PPP2R5C: variants seen among roughly 807,000 people sequenced by gnomAD.
PPP2R5C encodes the protein protein phosphatase 2 regulatory subunit B'gamma, also known as serine/threonine-protein phosphatase 2A 56 kDa regulatory subunit gamma isoform.
A neutral mutation model predicts 68.9 loss-of-function variants in PPP2R5C; 7 were observed. The ratio of observed to expected loss-of-function variants is 0.10; its 90% CI spans 0.06 to 0.19. The LOEUF (loss-of-function observed/expected upper bound fraction) is 0.19. Ranked by LOEUF, PPP2R5C falls within the 10% of genes least tolerant of loss-of-function variation. PPP2R5C has a pLI of 1.00. For synonymous variants in PPP2R5C, 210 were observed against 222.2 expected, an observed-to-expected ratio of 0.95 and a Z score of 0.49; for missense variants, 348 against 641.3, an observed-to-expected ratio of 0.54 and a Z score of 4.94.
At chr14:101,789,244 G>A (rs910920507) in intron 3 of PPP2R5C, among the ~76,000 whole-genome samples, 1 of 152,224 alleles carries the variant, frequency 6.6e-6, no homozygotes, top group African/African-American at 2.4e-5. Context: ...CTGGAACAGA[G>A]GTGATAGCAG....
chr14:101,889,710 T>G (rs2044737779), intron 5 of PPP2R5C: 2 of 302,594 alleles, frequency 6.6e-6, no homozygotes, highest in Non-Finnish European at 1.3e-5. Flanking sequence ...AGGATGCGTG[T>G]GGGTGTCAGT....
In PPP2R5C at chr14:101,913,804, C is replaced by T. The variant is rs549826369; in HGVS notation, c.1326+1331C>T. Among the ~76,000 whole-genome samples, 1 of 152,222 alleles carries T rather than the reference C, an allele frequency of 6.6e-6. No individual in the cohort carries two copies. The highest frequency in any genetic ancestry group is 2.4e-5 in the African/African-American group (1 of 41,518). ...TCAGGCAAAGTGGGTGCTGATAGCC[C>T]TCAGGATTGTCAAGGACCCCAGTAC... On this transcript the variant is annotated intron_variant, in intron 12 of 13. Coordinates refer to ENST00000334743, the Ensembl canonical transcript of PPP2R5C. The surrounding 1 kb of genome is among the most constrained non-coding windows in gnomAD (Gnocchi z 4.1).
At chr14:101,897,492 C>T (rs1254233000) in intron 8 of PPP2R5C, among the ~76,000 whole-genome samples, 1 of 151,826 alleles carries the variant, frequency 6.6e-6, no homozygotes, top group African/African-American at 2.4e-5. Context: ...AAGCCAGGCC[C>T]GTTCCAAAGC....
rs1286700393 is a variant in PPP2R5C, at chr14:101,781,543, A to ACGCAC, written c.94-4473_94-4469dup. Reference sequence around the variant, plus strand: ...CAGCCTGCGCCTTCCTGGGCGCCTGACGCACCCCTCTGCCCCAACCACGTT... The same window carrying ACGCAC: ...CAGCCTGCGCCTTCCTGGGCGCCTGACGCACCGCACCCCTCTGCCCCAACCACGTT... On this transcript the variant is annotated intron_variant, in intron 2 of 14. Coordinates refer to the PPP2R5C transcript ENST00000328724. The surrounding 1 kb of genome is among the most constrained non-coding windows in gnomAD (Gnocchi z 6.4). Among the ~76,000 whole-genome samples the ACGCAC allele has an allele frequency of 1.4e-5, 2 of 145,840 alleles. No homozygotes were observed. Among genetic ancestry groups the ACGCAC allele is most frequent in the Non-Finnish European group, 3.0e-5 (2 of 66,790 alleles).
upstream of PPP2R5C, chr14:101,809,810 T>C (rs1352208172): frequency 1.4e-6 from 2 of 1,390,336 alleles, no homozygotes; most frequent in Non-Finnish European, 1.9e-6. Flanking sequence ...GCGAGCTTCA[T>C]GCCTGCTGAC....
chr14:101,855,475 G>A (rs2042365560), intron 1 of PPP2R5C, among the ~76,000 whole-genome samples: 1 of 152,180 alleles, frequency 6.6e-6, no homozygotes, highest in African/African-American at 2.4e-5. Context: ...CTGTAAGGTG[G>A]AATCTGAAAC....
chr14:101,873,063 G>A (rs1191360389), intron 2 of PPP2R5C, among the ~76,000 whole-genome samples: 1 of 151,634 alleles, frequency 6.6e-6, no homozygotes, highest in South Asian at 2.1e-4. Flanking sequence ...AATTAAGTGA[G>A]CAAATTTACT....
chr14:101,870,040 C>CTTT (rs141433870), intron 2 of PPP2R5C, among the ~76,000 whole-genome samples: 2 of 53,118 alleles, frequency 3.8e-5, no homozygotes, highest in African/African-American at 7.2e-5. Context: ...TTCAATTGGG[C>CTTT]TTTTTTTTTT....
Position 101,835,389 on chromosome 14 carries a change from A to G in PPP2R5C, c.95-21297A>G, listed in dbSNP as rs759738858. Among the ~76,000 whole-genome samples the G allele has an allele frequency of 2.6e-5, 4 of 152,198 alleles. No homozygotes were observed. Among genetic ancestry groups the G allele is most frequent in the African/African-American group, 4.8e-5 (2 of 41,448 alleles). On this transcript the variant is annotated intron_variant, in intron 1 of 13. Coordinates refer to ENST00000334743, the Ensembl canonical transcript of PPP2R5C. The surrounding 1 kb of genome is among the most constrained non-coding windows in gnomAD (Gnocchi z 5.0). ...CAGTTTACAGTCAGCTGAGTGCTCA[A>G]GAGAACTCAGTAGAGGGGAATGTTG...
chr14:101,908,162 G>A (rs1324620620), intron 10 of PPP2R5C, among the ~76,000 whole-genome samples: 1 of 152,172 alleles, frequency 6.6e-6, no homozygotes, highest in South Asian at 2.1e-4. Context: ...TGGTTGTGAG[G>A]ATTAAGATAA....
intron 1 of PPP2R5C, among the ~76,000 whole-genome samples, chr14:101,846,967 T>A (rs1166337030): frequency 6.6e-6 from 1 of 152,252 alleles, no homozygotes; most frequent in African/African-American, 2.4e-5. Flanking sequence ...GAGAAATGCC[T>A]ACTAAGAGCA....
chr14:101,822,028 T>G (rs1035497607), intron 1 of PPP2R5C, among the ~76,000 whole-genome samples: 1 of 151,912 alleles, frequency 6.6e-6, no homozygotes, highest in South Asian at 2.1e-4. Context: ...TACTAGATGT[T>G]GAAAACGTTG....
intron 10 of PPP2R5C, among the ~76,000 whole-genome samples, chr14:101,908,017 G>A (rs1418559390): frequency 6.6e-6 from 1 of 152,208 alleles, no homozygotes; most frequent in African/African-American, 2.4e-5. Context: ...GATGACTTTG[G>A]TTCACATTCC....
intron 6 of PPP2R5C, among the ~76,000 whole-genome samples, chr14:101,890,505 G>A (rs1230479567): frequency 1.3e-5 from 2 of 152,160 alleles, no homozygotes; most frequent in African/African-American, 2.4e-5. Context: ...TTATGGTTCT[G>A]TACGTAGATT....
In PPP2R5C at chr14:101,764,028, TGG is replaced by T. The variant is rs1555377030; in HGVS notation, c.93+1060_93+1061del. Among the ~76,000 whole-genome samples the T allele has an allele frequency of 3.0e-3, 408 of 137,608 alleles. 1 individual carries two copies. The highest frequency in any genetic ancestry group is 0.01 in the African/African-American group (385 of 36,748). 90.3% of individuals were successfully genotyped at this position (137,608 alleles called of 152,430 possible). On this transcript the variant is annotated intron_variant, in intron 2 of 14. Transcript: ENST00000328724. ...TTGTGTGTGTGTGTGTGTGTGTGTG[TGG>T]GCGCGCGCACTTGCGCGTCGGCCAC...
At chr14:101,922,580 G>A (rs1337066317) in intron 13 of PPP2R5C, among the ~76,000 whole-genome samples, 1 of 151,864 alleles carries the variant, frequency 6.6e-6, no homozygotes, top group Non-Finnish European at 1.5e-5. Context: ...TTGGGAGGCT[G>A]AGGCAGGAGA....
intron 13 of PPP2R5C, among the ~76,000 whole-genome samples, chr14:101,919,153 A>G (rs1249645202): frequency 6.6e-6 from 1 of 152,242 alleles, no homozygotes; most frequent in Non-Finnish European, 1.5e-5. Flanking sequence ...GGAGTTGCAC[A>G]GGAAAGGGCT....
chr14:101,771,137 G>GGA (rs1408587846), intron 2 of PPP2R5C, among the ~76,000 whole-genome samples: 2 of 151,834 alleles, frequency 1.3e-5, no homozygotes, highest in African/African-American at 4.8e-5. Context: ...TCCACCTGGG[G>GGA]GAGTGAGAGA....
intron 3 of PPP2R5C, among the ~76,000 whole-genome samples, chr14:101,803,761 G>A (rs1408762528): frequency 6.6e-6 from 1 of 151,924 alleles, no homozygotes; most frequent in East Asian, 1.9e-4. Context: ...ACCTCAGACT[G>A]TGACACTACT....
Sources: gnomAD v4.1 joint callset for allele counts (sites outside exome capture counted in the v4.1 genomes callset) on GRCh38, gnomAD v4.1.1 for gene constraint, Gnocchi (gnomAD v3.1) non-coding constraint, MANE v1.5 for transcripts, NCBI Gene and HGNC (gene_info 2026-07-23, HGNC 2026-07-21) for gene names.